ATG5: variants seen among roughly 807,000 people sequenced by gnomAD.
ATG5 encodes the protein autophagy protein 5.
ATG5 carries 14 observed loss-of-function variants against 36.5 expected under a neutral mutation model. That is an observed-to-expected ratio of 0.38 (90% CI 0.25 to 0.60). The LOEUF (loss-of-function observed/expected upper bound fraction) is 0.60, where lower values mean the gene tolerates loss of function less well. Ranked by LOEUF, ATG5 falls within the 20% of genes least tolerant of loss-of-function variation. The pLI is 0.60. For missense variants in ATG5, 195 were observed against 326.7 expected, an observed-to-expected ratio of 0.60 and a Z score of 3.11; for synonymous variants, 95 against 101.5, an observed-to-expected ratio of 0.94 and a Z score of 0.38.
chr6:106,199,033 G>A (rs1776317021), intron 7 of ATG5, among the ~76,000 whole-genome samples: 1 of 152,070 alleles, frequency 6.6e-6, no homozygotes, highest in African/African-American at 2.4e-5. Flanking sequence ...AGAAAAATGA[G>A]AATTAAAATC....
chr6:106,204,377 T>C (rs1480438321), intron 6 of ATG5, among the ~76,000 whole-genome samples: 1 of 152,198 alleles, frequency 6.6e-6, no homozygotes, highest in South Asian at 2.1e-4. Flanking sequence ...GTGACAAGTA[T>C]GAAAATTGTA....
chr6:106,314,214 A>G (rs1263164736), intron 2 of ATG5, among the ~76,000 whole-genome samples: 1 of 152,206 alleles, frequency 6.6e-6, no homozygotes, highest in Non-Finnish European at 1.5e-5. Flanking sequence ...TATTCTTTAC[A>G]TGAAATTTCT....
At chr6:106,283,547 C>G (rs938816983) in intron 4 of ATG5, 5 of 152,160 alleles carry the variant, frequency 3.3e-5, no homozygotes, top group African/African-American at 1.2e-4. Context: ...CCTTAGGTAA[C>G]CTGGTGGTCT....
chr6:106,291,496 G>C (rs1780306110), intron 4 of ATG5, among the ~76,000 whole-genome samples: 1 of 152,178 alleles, frequency 6.6e-6, no homozygotes, highest in Admixed American at 6.5e-5. Context: ...TTGACCTGAT[G>C]AATCCATTGA....
chr6:106,228,944 C>T (rs1352439756), intron 6 of ATG5, among the ~76,000 whole-genome samples: 1 of 152,244 alleles, frequency 6.6e-6, no homozygotes, highest in Non-Finnish European at 1.5e-5. Flanking sequence ...AGGCAGAAAG[C>T]TGTCGTCCCG....
chr6:106,228,795 G>A (rs1188083959), intron 6 of ATG5, among the ~76,000 whole-genome samples: 1 of 152,160 alleles, frequency 6.6e-6, no homozygotes, highest in Non-Finnish European at 1.5e-5. Context: ...TAGCATGGCC[G>A]CCAGACTTTA....
chr6:106,198,912 TAATAAGGAAACAA>T (rs1013067192), intron 7 of ATG5, among the ~76,000 whole-genome samples: 1 of 151,556 alleles, frequency 6.6e-6, no homozygotes, highest in Admixed American at 6.6e-5. Context: ...AAAAACTGAG[TAATAAGGAAACAA>T]TCCATGAAAA....
intron 3 of ATG5, among the ~76,000 whole-genome samples, chr6:106,293,603 T>A (rs904851948): frequency 3.9e-5 from 6 of 152,342 alleles, no homozygotes; most frequent in East Asian, 3.9e-4. Flanking sequence ...TACACATACA[T>A]ATCTAAATAC....
At chr6:106,245,762 C>A (rs1778307743) in intron 6 of ATG5, among the ~76,000 whole-genome samples, 1 of 151,696 alleles carries the variant, frequency 6.6e-6, no homozygotes, top group Non-Finnish European at 1.5e-5. Context: ...AACTTAAGGG[C>A]TCAAATATTA....
intron 7 of ATG5, among the ~76,000 whole-genome samples, chr6:106,197,531 G>T (rs560291498): frequency 6.6e-6 from 1 of 151,900 alleles, no homozygotes. Flanking sequence ...GTTGGGGTGG[G>T]GGGGGCGGGG....
intron 2 of ATG5, among the ~76,000 whole-genome samples, chr6:106,313,056 G>T (rs759347141): frequency 6.6e-6 from 1 of 152,134 alleles, no homozygotes; most frequent in Non-Finnish European, 1.5e-5. Flanking sequence ...ATAAGAAGTT[G>T]AAAGTAAAAT....
intron 5 of ATG5, among the ~76,000 whole-genome samples, chr6:106,257,144 C>T (rs1778832859): frequency 6.6e-6 from 1 of 152,176 alleles, no homozygotes; most frequent in African/African-American, 2.4e-5. Flanking sequence ...TCCACCTCCA[C>T]ATCTTGTCCC....
chr6:106,205,025 C>T lies in ATG5; in HGVS notation c.574-2936G>A, dbSNP rs546714094. Among the ~76,000 whole-genome samples the T allele has an allele frequency of 2.0e-5, 3 of 152,220 alleles. No individual in the cohort carries two copies. The East Asian group carries it at 5.8e-4, about 29-fold the overall frequency. ...TGTAGTGATAATTTAAAATAGCCAT[C>T]CCTCACTCAGGGTTTTTGATCTTCA... On this transcript the variant is annotated intron_variant, in intron 6 of 7. Transcript: ENST00000369076.
chr6:106,306,922 G>C (rs1279640100), intron 3 of ATG5, among the ~76,000 whole-genome samples: 2 of 152,180 alleles, frequency 1.3e-5, no homozygotes, highest in African/African-American at 4.8e-5. Flanking sequence ...AGAAGAATCA[G>C]AGGAGTCTGA....
intron 4 of ATG5, among the ~76,000 whole-genome samples, chr6:106,282,778 A>G (rs989855106): frequency 2.6e-5 from 4 of 151,834 alleles, no homozygotes; most frequent in African/African-American, 9.7e-5. Flanking sequence ...TTATTCTGTG[A>G]TTTACATGGA....
chr6:106,233,819 A>G (rs1012113079), intron 6 of ATG5, among the ~76,000 whole-genome samples: 2 of 150,726 alleles, frequency 1.3e-5, no homozygotes, highest in African/African-American at 4.9e-5. Flanking sequence ...ACCCCCTTTC[A>G]CTCTCACTGC....
intron 6 of ATG5, among the ~76,000 whole-genome samples, chr6:106,237,169 T>C (rs553538904): frequency 6.6e-6 from 1 of 152,304 alleles, no homozygotes; most frequent in African/African-American, 2.4e-5. Flanking sequence ...TAAAATATAA[T>C]TTGAAAGTTA....
chr6:106,233,318 G>A (rs1777761310), intron 6 of ATG5, among the ~76,000 whole-genome samples: 2 of 152,278 alleles, frequency 1.3e-5, no homozygotes. Context: ...TCCCAGGTAC[G>A]GCGAAATAGC....
At chr6:106,281,964 A>G (rs951572937) in intron 4 of ATG5, among the ~76,000 whole-genome samples, 4 of 152,208 alleles carry the variant, frequency 2.6e-5, no homozygotes, top group Non-Finnish European at 5.9e-5. Flanking sequence ...GTAAATTCAT[A>G]TATGTTCTGT....
Sources: gnomAD v4.1 joint callset for allele counts (sites outside exome capture counted in the v4.1 genomes callset) on GRCh38, gnomAD v4.1.1 for gene constraint, MANE v1.5 for transcripts, NCBI Gene and HGNC (gene_info 2026-07-23, HGNC 2026-07-21) for gene names.